The following SH3BP5 variants were observed in gnomAD, a reference collection of about 807,000 sequenced individuals.
The protein encoded by SH3BP5 is SH3 domain-binding protein 5.
A neutral mutation model predicts 43.3 loss-of-function variants in SH3BP5; 22 were observed. That is an observed-to-expected ratio of 0.51 (90% CI 0.36 to 0.73). SH3BP5 has a LOEUF of 0.73. SH3BP5 is among the 30% of genes least tolerant of loss of function. The probability of loss-of-function intolerance (pLI) is 0.00; values close to 1 mark genes in which losing one functional copy is unlikely to be tolerated. For synonymous variants in SH3BP5, 255 were observed against 225.8 expected (o/e 1.13, Z -1.16); for missense variants, 529 against 586.9 (o/e 0.90, Z 1.02).
chr3:15,257,216 G>C, intron 7 of SH3BP5, 103 bp from the exon 8 acceptor site: 1 of 1,213,158 alleles, frequency 8.2e-7, no homozygotes, highest in Non-Finnish European at 1.2e-6. Flanking sequence ...GGGGACTAAA[G>C]AGTCTCTACC....
intron 2 of SH3BP5, among the ~76,000 whole-genome samples, chr3:15,310,398 T>G (rs1011186689): frequency 6.6e-6 from 1 of 152,236 alleles, no homozygotes; most frequent in African/African-American, 2.4e-5. Context: ...TAAAACCACC[T>G]TGCCACAATT....
At position 15,294,694 on chromosome 3, in the gene SH3BP5, ACATCATTAGCGCTC is replaced by A. The variant is rs1697520961; in HGVS notation, c.330+9395_330+9408del. The stretch of plus-strand genomic sequence containing the variant: ...CAGAGCAGTGTGTGTGGCACCTAAT[ACATCATTAGCGCTC>A]AAAAAATGGCAAAAAATGGAGCTGC... On this transcript the variant is annotated intron_variant, in intron 3 of 8. Coordinates refer to ENST00000383791, the MANE Select transcript of SH3BP5 (RefSeq NM_004844.5). Among the ~76,000 whole-genome samples the A allele has an allele frequency of 2.6e-5, 4 of 152,162 alleles. No homozygotes were observed. The South Asian group carries it at 8.3e-4, about 32-fold the overall frequency.
intron 3 of SH3BP5, among the ~76,000 whole-genome samples, chr3:15,291,317 C>T (rs985273722): frequency 2.6e-5 from 4 of 152,104 alleles, no homozygotes; most frequent in Non-Finnish European, 4.4e-5. Context: ...TTCAGGAACC[C>T]CAAGACAGGG....
chr3:15,295,343 C>G (rs1475917926), intron 3 of SH3BP5, among the ~76,000 whole-genome samples: 3 of 152,214 alleles, frequency 2.0e-5, no homozygotes, highest in Non-Finnish European at 4.4e-5. Flanking sequence ...AATGAGCTAC[C>G]TGATACATAC....
chr3:15,330,486 G>A lies in SH3BP5; in HGVS notation c.201+18C>T. 6.2e-7 allele frequency: 1 copy of A among 1,604,168 alleles called. No homozygotes were observed. The highest frequency in any genetic ancestry group is 8.5e-7 in the Non-Finnish European group (1 of 1,171,220). ...AGTGACATCACTTCACCAAGAACAG[G>A]AACTCAGCTCTCTGTACCTCAAGTT... is the stretch of plus-strand genomic sequence containing the variant. On this transcript the variant is annotated intron_variant, in intron 2 of 8. Transcript: ENST00000383791.
chr3:15,312,884 AC>A (rs1258682001), intron 2 of SH3BP5, among the ~76,000 whole-genome samples: 8 of 152,308 alleles, frequency 5.3e-5, no homozygotes, highest in South Asian at 2.1e-4. Context: ...TTTAAAAAAA[AC>A]ACCTGCTTAA....
intron 3 of SH3BP5, among the ~76,000 whole-genome samples, chr3:15,290,875 A>T (rs1697394294): frequency 6.6e-6 from 1 of 152,140 alleles, no homozygotes; most frequent in African/African-American, 2.4e-5. Context: ...CAAACTAATA[A>T]AGGCCATCGA....
chr3:15,258,557 C>T (rs1696310393), intron 7 of SH3BP5: 1 of 474,670 alleles, frequency 2.1e-6, no homozygotes, highest in Non-Finnish European at 3.8e-6. Flanking sequence ...ACTTCTCAGC[C>T]TTGAATGTTC....
intron 3 of SH3BP5, among the ~76,000 whole-genome samples, chr3:15,292,450 G>A (rs1697438109): frequency 1.3e-5 from 2 of 152,228 alleles, no homozygotes; most frequent in Non-Finnish European, 2.9e-5. Flanking sequence ...CTCCAGCCCA[G>A]TGCTTCCTGG....
At chr3:15,321,091 A>G in intron 2 of SH3BP5, among the ~76,000 whole-genome samples, 1 of 152,218 alleles carries the variant, frequency 6.6e-6, no homozygotes, top group East Asian at 1.9e-4. Flanking sequence ...TTTGGCCACT[A>G]ATAGCATTTT....
chr3:15,296,757 G>A (rs1386734189), intron 3 of SH3BP5, among the ~76,000 whole-genome samples: 2 of 140,152 alleles, frequency 1.4e-5, no homozygotes, highest in Admixed American at 7.3e-5. Context: ...GCAGTGGTGC[G>A]ATCACAGCTC....
intron 7 of SH3BP5, chr3:15,257,742 TA>T (rs1479229092): frequency 6.6e-6 from 1 of 152,304 alleles, no homozygotes; most frequent in East Asian, 1.9e-4. Flanking sequence ...AGACACATGT[TA>T]TTCCCATGGT....
chr3:15,316,219 CTTTTTTTTTT>C (rs577644493), intron 2 of SH3BP5, among the ~76,000 whole-genome samples: 3 of 81,686 alleles, frequency 3.7e-5, no homozygotes, highest in Non-Finnish European at 6.6e-5. Context: ...AAAAGACTCG[CTTTTTTTTTT>C]TTTTTTTTTT....
intron 3 of SH3BP5, among the ~76,000 whole-genome samples, chr3:15,292,630 C>T (rs149389821): frequency 1.1e-4 from 17 of 152,230 alleles, no homozygotes; most frequent in African/African-American, 3.9e-4. Flanking sequence ...GGGTGGATCA[C>T]CTGAGGTCAA....
At chr3:15,321,925 C>A (rs1172479211) in intron 2 of SH3BP5, among the ~76,000 whole-genome samples, 1 of 152,158 alleles carries the variant, frequency 6.6e-6, no homozygotes, top group East Asian at 1.9e-4. Context: ...TATGTTAGGG[C>A]CAGGCACGGT....
At chr3:15,273,096 C>A in intron 3 of SH3BP5, 16 of 980,466 alleles carry the variant, frequency 1.6e-5, no homozygotes, top group Non-Finnish European at 1.8e-5. Flanking sequence ...CACCCCCTAC[C>A]CATAGGTGGC....
intron 3 of SH3BP5, among the ~76,000 whole-genome samples, chr3:15,279,545 A>G (rs1224566257): frequency 1.3e-5 from 2 of 152,214 alleles, no homozygotes; most frequent in Non-Finnish European, 1.5e-5. Flanking sequence ...AAAAGCTACT[A>G]CTTGCTTCAA....
intron 4 of SH3BP5, among the ~76,000 whole-genome samples, chr3:15,268,565 G>C (rs1226216432): frequency 6.6e-6 from 1 of 152,104 alleles, no homozygotes; most frequent in African/African-American, 2.4e-5. Flanking sequence ...CTGGTGTGGG[G>C]GGATACCAGG....
chr3:15,254,960 G>A lies in SH3BP5; in HGVS notation c.*1126C>T, dbSNP rs1254520784. ...AAAAGAAGTCACTATTGTATGAAGAGATTTACAAATGACTAAAATATACAG... is the reference window on the plus strand; with the variant it reads ...AAAAGAAGTCACTATTGTATGAAGAAATTTACAAATGACTAAAATATACAG... On this transcript the variant is annotated 3_prime_UTR_variant, in exon 9 of 9. Transcript: ENST00000383791. The A allele has an allele frequency of 6.6e-6, 1 of 152,258 alleles. No individual in the cohort carries two copies. Among genetic ancestry groups the A allele is most frequent in the Non-Finnish European group, 1.5e-5 (1 of 68,024 alleles). 9.4% of individuals were successfully genotyped at this position (152,258 alleles called of 1,614,324 possible).
Sources: gnomAD v4.1 joint callset for allele counts (sites outside exome capture counted in the v4.1 genomes callset) on GRCh38, gnomAD v4.1.1 for gene constraint, MANE v1.5 for transcripts, NCBI Gene and HGNC (gene_info 2026-07-23, HGNC 2026-07-21) for gene names.